The following NELL1 variants were observed in gnomAD, a reference collection of about 807,000 sequenced individuals.
NELL1 encodes neural EGFL like 1.
A neutral mutation model predicts 107.4 loss-of-function variants in NELL1; 76 were observed. The observed-to-expected ratio is 0.71, with a 90% CI of 0.59 to 0.86. The LOEUF (loss-of-function observed/expected upper bound fraction) is 0.86, where lower values mean the gene tolerates loss of function less well. NELL1 is among the 40% of genes least tolerant of loss of function. The probability of loss-of-function intolerance (pLI) is 0.00; values close to 1 mark genes in which losing one functional copy is unlikely to be tolerated. For synonymous variants in NELL1, 353 were observed against 341.2 expected (o/e 1.03, Z -0.38); for missense variants, 1,024 against 1,005.5 (o/e 1.02, Z -0.25).
At chr11:21,355,999 G>T (rs765580414) in intron 14 of NELL1, among the ~76,000 whole-genome samples, 1 of 151,684 alleles carries the variant, frequency 6.6e-6, no homozygotes, top group Non-Finnish European at 1.5e-5. Context: ...TCCCCTTTAG[G>T]TCTCTACTCA....
intron 12 of NELL1, among the ~76,000 whole-genome samples, chr11:21,068,736 C>T (rs769485512): frequency 6.6e-6 from 1 of 152,146 alleles, no homozygotes; most frequent in Non-Finnish European, 1.5e-5. Flanking sequence ...CAAGTGCCTC[C>T]AATAGCTGTG....
intron 5 of NELL1, among the ~76,000 whole-genome samples, chr11:20,912,365 T>C (rs183936544): frequency 6.6e-6 from 1 of 152,306 alleles, no homozygotes; most frequent in East Asian, 1.9e-4. Flanking sequence ...CCAGTAGTGA[T>C]AGGCTTATCT....
chr11:20,809,707 T>C (rs1564918049), intron 3 of NELL1, among the ~76,000 whole-genome samples: 1 of 152,236 alleles, frequency 6.6e-6, no homozygotes, highest in East Asian at 1.9e-4. Flanking sequence ...TTTTATTCTT[T>C]TTTTATGGTT....
At chr11:20,820,614 C>T (rs1234687541) in intron 3 of NELL1, among the ~76,000 whole-genome samples, 2 of 152,162 alleles carry the variant, frequency 1.3e-5, no homozygotes, top group Non-Finnish European at 2.9e-5. Context: ...CCTGCCCCTA[C>T]TACATTGTCA....
At chr11:21,074,060 CAG>C (rs1352826720) in intron 12 of NELL1, among the ~76,000 whole-genome samples, 4 of 152,138 alleles carry the variant, frequency 2.6e-5, no homozygotes, top group Non-Finnish European at 4.4e-5. Context: ...CTGGAAAAGT[CAG>C]AGTCTTTAAG....
At chr11:20,892,269 AGT>A (rs1230420472) in intron 5 of NELL1, among the ~76,000 whole-genome samples, 1 of 152,224 alleles carries the variant, frequency 6.6e-6, no homozygotes, top group Non-Finnish European at 1.5e-5. Context: ...ATTACTCCTG[AGT>A]AAATAATGAA....
At chr11:21,425,288 CAA>C (rs5790185) in intron 15 of NELL1, among the ~76,000 whole-genome samples, 1 of 150,326 alleles carries the variant, frequency 6.7e-6, no homozygotes, top group African/African-American at 2.4e-5. Context: ...TGTGAATAGC[CAA>C]AAAAAAATAC....
chr11:20,851,094 G>A (rs1848787193), intron 4 of NELL1, among the ~76,000 whole-genome samples: 1 of 152,166 alleles, frequency 6.6e-6, no homozygotes, highest in South Asian at 2.1e-4. Flanking sequence ...CTTCCCAAGG[G>A]AGAGATACTA....
chr11:21,050,303 T>C (rs1416141501), intron 12 of NELL1, among the ~76,000 whole-genome samples: 1 of 152,124 alleles, frequency 6.6e-6, no homozygotes, highest in African/African-American at 2.4e-5. Context: ...CTTCAATCTT[T>C]CTTCAGTAAA....
intron 2 of NELL1, among the ~76,000 whole-genome samples, chr11:20,746,509 C>T (rs963440022): frequency 1.3e-5 from 2 of 151,890 alleles, no homozygotes; most frequent in African/African-American, 4.8e-5. Context: ...ATGTGGCATA[C>T]AGAGCCACTT....
At chr11:21,133,432 G>A (rs1438516938) in intron 13 of NELL1, among the ~76,000 whole-genome samples, 1 of 152,150 alleles carries the variant, frequency 6.6e-6, no homozygotes, top group Non-Finnish European at 1.5e-5. Context: ...CCAGGAGCCT[G>A]TCTGCCTCTT....
intron 3 of NELL1, among the ~76,000 whole-genome samples, chr11:20,809,802 G>C (rs1331503973): frequency 1.3e-5 from 2 of 151,950 alleles, no homozygotes; most frequent in African/African-American, 4.8e-5. Context: ...CCATATCTTG[G>C]CTATTGTGAA....
chr11:20,754,157 G>T (rs1333733192), intron 2 of NELL1, among the ~76,000 whole-genome samples: 1 of 152,112 alleles, frequency 6.6e-6, no homozygotes. Flanking sequence ...CCAAAAAAGA[G>T]GGAGTACATG....
chr11:20,726,055 G>A (rs1564881556), intron 2 of NELL1, among the ~76,000 whole-genome samples: 1 of 152,182 alleles, frequency 6.6e-6, no homozygotes, highest in African/African-American at 2.4e-5. Context: ...CTGCATCCAT[G>A]TTGCTGCAAA....
intron 16 of NELL1, among the ~76,000 whole-genome samples, chr11:21,553,093 C>T (rs1005507164): frequency 3.3e-5 from 5 of 151,790 alleles, no homozygotes; most frequent in African/African-American, 1.2e-4. Context: ...CAGAATGCTT[C>T]TTGTAGTGAA....
rs556004598 is a variant in NELL1 at position 21,148,064 on chromosome 11, C to A, written c.1426+34350C>A. 1.3e-4 allele frequency among the ~76,000 whole-genome samples: 20 copies of A among 152,060 alleles called. 2 individuals carry two copies. In the South Asian group the frequency reaches 4.2e-3, roughly 32 times the overall value. On this transcript the variant is annotated intron_variant, in intron 13 of 19. Coordinates refer to ENST00000357134, the MANE Select transcript of NELL1 (RefSeq NM_006157.5). ...CCAGCTATGTTAGCATTCCTAGTACCGTTTGACGAGTATCTTAAGTGTGTG... is the reference window on the plus strand; with the variant it reads ...CCAGCTATGTTAGCATTCCTAGTACAGTTTGACGAGTATCTTAAGTGTGTG...
intron 15 of NELL1, among the ~76,000 whole-genome samples, chr11:21,499,042 C>A (rs760067195): frequency 7.9e-5 from 12 of 151,864 alleles, no homozygotes; most frequent in Non-Finnish European, 1.5e-4. Context: ...ATTTTTTTAT[C>A]ATTCATGCAA....
chr11:20,889,521 A>G (rs1173439489), intron 5 of NELL1, among the ~76,000 whole-genome samples: 1 of 152,236 alleles, frequency 6.6e-6, no homozygotes, highest in Non-Finnish European at 1.5e-5. Flanking sequence ...AGAATTGGAG[A>G]GCAAATGCAT....
chr11:21,540,691 C>T (rs1445893888), intron 16 of NELL1, among the ~76,000 whole-genome samples: 1 of 151,974 alleles, frequency 6.6e-6, no homozygotes, highest in African/African-American at 2.4e-5. Context: ...TTTCAACAAC[C>T]AGATCTCATG....
Sources: gnomAD v4.1 joint callset for allele counts (sites outside exome capture counted in the v4.1 genomes callset) on GRCh38, gnomAD v4.1.1 for gene constraint, MANE v1.5 for transcripts, NCBI Gene and HGNC (gene_info 2026-07-23, HGNC 2026-07-21) for gene names.